SYTL2: variants seen among roughly 807,000 people sequenced by gnomAD.
SYTL2 encodes the protein synaptotagmin like 2, also known as synaptotagmin-like protein 2.
In SYTL2, 165 loss-of-function variants were observed where a neutral mutation model predicts 198.7. The observed-to-expected ratio is 0.83, with a 90% CI of 0.73 to 0.94. The LOEUF is 0.94. Ranked by LOEUF, SYTL2 falls within the 40% of genes least tolerant of loss-of-function variation. The probability of loss-of-function intolerance (pLI) is 0.00; values close to 1 mark genes in which losing one functional copy is unlikely to be tolerated. For missense variants in SYTL2, 2,835 were observed against 2,582.8 expected, an observed-to-expected ratio of 1.10 and a Z score of -2.12; for synonymous variants, 966 against 917.7, an observed-to-expected ratio of 1.05 and a Z score of -0.95.
At chr11:85,743,705 G>A (rs964840531) in intron 4 of SYTL2, among the ~76,000 whole-genome samples, 1 of 152,116 alleles carries the variant, frequency 6.6e-6, no homozygotes, top group African/African-American at 2.4e-5. Flanking sequence ...ATACCCACCA[G>A]CCCCACGGTT....
intron 1 of SYTL2, among the ~76,000 whole-genome samples, chr11:85,806,329 A>T (rs972478701): frequency 1.3e-5 from 2 of 152,092 alleles, no homozygotes; most frequent in Non-Finnish European, 2.9e-5. Context: ...GCCACTTAAG[A>T]GTGAGGTCAT....
chr11:85,777,314 G>T (rs2092468391), intron 1 of SYTL2, among the ~76,000 whole-genome samples: 2 of 152,182 alleles, frequency 1.3e-5, no homozygotes, highest in South Asian at 4.1e-4. Context: ...ACTGAGTGAA[G>T]GTGAAAACAA....
rs1283655047 is a variant in SYTL2, at chr11:85,725,427, G to A, written c.3931C>T (p.Pro1311Ser). ...CCCTTTCTGGAAAGCTGGGAAGTTG[G>A]ATCCAATGGATGAGAATCTTCTGCA... ...MAAEDSHPLD[P>S]TSQLSRKGSF... Residue 1311 changes from proline to serine, a missense_variant, in exon 8 of 20, where the codon CCA becomes TCA. Physicochemically the swap from Pro to Ser is moderately conservative, Grantham distance 74 (BLOSUM62 -1). Transcript: ENST00000359152. 1 of 1,614,098 alleles carries A rather than the reference G, an allele frequency of 6.2e-7. No homozygotes were observed. The highest frequency in any genetic ancestry group is 1.3e-5 in the African/African-American group (1 of 75,050).
intron 1 of SYTL2, among the ~76,000 whole-genome samples, chr11:85,759,955 CA>C (rs2092048022): frequency 2.0e-5 from 3 of 152,192 alleles, no homozygotes; most frequent in African/African-American, 7.2e-5. Flanking sequence ...CTCCCTGTAA[CA>C]GAACTATACT....
At chr11:85,750,795 TCTC>T (rs2091465043) in intron 2 of SYTL2, among the ~76,000 whole-genome samples, 1 of 151,988 alleles carries the variant, frequency 6.6e-6, no homozygotes, top group Admixed American at 6.5e-5. Flanking sequence ...ATGAATGGTG[TCTC>T]CTCCTGATGC....
chr11:85,757,985 C>T lies in SYTL2; in HGVS notation c.-260G>A. 1 of 407,764 alleles carries T rather than the reference C, an allele frequency of 2.5e-6. No individual in the cohort carries two copies. Among genetic ancestry groups the T allele is most frequent in the Non-Finnish European group, 4.6e-6 (1 of 218,732 alleles). 25.3% of individuals were successfully genotyped at this position (407,764 alleles called of 1,614,324 possible). ...CTCAGAAGGATGCTGTATTCCTTGC[C>T]AAACAGGTCGCTTGTTCCTATGGTG... is the stretch of plus-strand genomic sequence containing the variant. On this transcript the variant is annotated 5_prime_UTR_variant, in exon 2 of 20. Coordinates refer to ENST00000359152, the MANE Select transcript of SYTL2 (RefSeq NM_206927.4).
intron 1 of SYTL2, among the ~76,000 whole-genome samples, chr11:85,790,993 G>A (rs959073613): frequency 3.3e-5 from 5 of 151,348 alleles, no homozygotes; most frequent in Admixed American, 6.6e-5. Context: ...GTGAAACCTC[G>A]TTTCTACTAA....
chr11:85,797,577 G>A (rs1477179814), intron 1 of SYTL2, among the ~76,000 whole-genome samples: 3 of 150,178 alleles, frequency 2.0e-5, no homozygotes, highest in Non-Finnish European at 4.4e-5. Context: ...GCAGTGAGCT[G>A]AGATCAGCCA....
intron 2 of SYTL2, among the ~76,000 whole-genome samples, chr11:85,748,704 G>A (rs1367385633): frequency 6.6e-6 from 1 of 152,340 alleles, no homozygotes; most frequent in East Asian, 1.9e-4. Flanking sequence ...GCATTCTTCA[G>A]TGTCTGCTGT....
At chr11:85,731,905 A>G (rs2089868696) in intron 7 of SYTL2, among the ~76,000 whole-genome samples, 2 of 152,218 alleles carry the variant, frequency 1.3e-5, no homozygotes, top group South Asian at 4.1e-4. Context: ...ATTTACAAGA[A>G]AAAACAACCC....
chr11:85,712,693 TATACAC>T (rs1165978181), intron 12 of SYTL2, among the ~76,000 whole-genome samples: 1 of 146,358 alleles, frequency 6.8e-6, no homozygotes, highest in African/African-American at 2.6e-5. Context: ...CGAAAATACA[TATACAC>T]ACACACACAC....
chr11:85,724,270 C>A lies in SYTL2; in HGVS notation c.5088G>T (p.Gly1696=). The change falls in exon 8 of 20, where the codon GGG becomes GGT. Residue 1696 remains glycine (G), a synonymous_variant. Transcript: ENST00000359152. The part of the protein sequence containing the change: ...DSESGVAGGQ[G]TLQEPGFGEA... Reference sequence around the variant, plus strand: ...CTCCAAAGCCAGGTTCCTGAAGAGTCCCTTGTCCCCCTGCAACCCCACTTT... The same window carrying A: ...CTCCAAAGCCAGGTTCCTGAAGAGTACCTTGTCCCCCTGCAACCCCACTTT... 6.4e-7 allele frequency: 1 copy of A among 1,563,998 alleles called. No individual in the cohort carries two copies. The highest frequency in any genetic ancestry group is 8.6e-7 in the Non-Finnish European group (1 of 1,160,662).
At chr11:85,830,179 C>A in the SYTL2 span, among the ~76,000 whole-genome samples, 1 of 152,210 alleles carries the variant, frequency 6.6e-6, no homozygotes, top group Non-Finnish European at 1.5e-5. Context: ...TCCGGAGTTT[C>A]TGAGTCAATA....
At chr11:85,822,382 T>C in the SYTL2 span, among the ~76,000 whole-genome samples, 711 of 152,346 alleles carry the variant, frequency 4.7e-3, 5 homozygotes, top group Non-Finnish European at 8.0e-3. Context: ...ATCTTACTAT[T>C]TGCTCTACAC....
In SYTL2 at chr11:85,800,542, C is replaced by A. The variant is rs188415835; in HGVS notation, c.-390+10412G>T. On this transcript the variant is annotated intron_variant, in intron 1 of 19. Coordinates refer to ENST00000359152, the MANE Select transcript of SYTL2 (RefSeq NM_206927.4). ...AATCCTCCCACCTCAGCCTCCCAAA[C>A]TGCTGAGATTACAGGAATGAGCCAC... 1.1e-4 allele frequency among the ~76,000 whole-genome samples: 17 copies of A among 152,170 alleles called. No homozygotes were observed. In the East Asian group the frequency reaches 3.1e-3, roughly 28 times the overall value.
intron 2 of SYTL2, among the ~76,000 whole-genome samples, chr11:85,752,525 A>T (rs1036517957): frequency 6.6e-6 from 1 of 152,164 alleles, no homozygotes; most frequent in African/African-American, 2.4e-5. Flanking sequence ...TCTCCTAAGG[A>T]ACTCAATCTT....
chr11:85,818,656 A>ACTATCTATCTAT, the SYTL2 span, among the ~76,000 whole-genome samples: 5,069 of 149,042 alleles, frequency 0.034, 102 homozygotes, highest in East Asian at 0.069. Flanking sequence ...TGTATAAATT[A>ACTATCTATCTAT]CTATCTATCT....
intron 7 of SYTL2, among the ~76,000 whole-genome samples, chr11:85,731,241 T>C (rs515668): frequency 6.6e-6 from 1 of 152,004 alleles, no homozygotes; most frequent in Non-Finnish European, 1.5e-5. Context: ...AAGTTTAAAT[T>C]TCATGTGGAA....
the SYTL2 span, among the ~76,000 whole-genome samples, chr11:85,827,933 T>C: frequency 2.8e-4 from 42 of 152,206 alleles, no homozygotes; most frequent in African/African-American, 9.9e-4. Flanking sequence ...AATGTGGCCA[T>C]TGAGAGTTAC....
Sources: allele counts gnomAD v4.1 joint callset (sites outside exome capture counted in the v4.1 genomes callset), GRCh38; gene constraint gnomAD v4.1.1; transcripts MANE v1.5; gene names NCBI Gene and HGNC (gene_info 2026-07-23, HGNC 2026-07-21).